RB1: variants seen among roughly 807,000 people sequenced by gnomAD.
The protein encoded by RB1 is RB transcriptional corepressor 1, also known as retinoblastoma-associated protein.
In RB1, 18 loss-of-function variants were observed where a neutral mutation model predicts 135.4. That is an observed-to-expected ratio of 0.13 (90% CI 0.09 to 0.20). RB1 has a LOEUF of 0.20. Ranked by LOEUF, RB1 falls within the 10% of genes least tolerant of loss-of-function variation. The pLI, the probability that RB1 is intolerant of heterozygous loss-of-function variation, is 1.00. For synonymous variants in RB1, 365 were observed against 373.2 expected (o/e 0.98, Z 0.25); for missense variants, 868 against 1,110.0 (o/e 0.78, Z 3.10).
At chr13:48,322,808 G>GAAA (rs1293467141) in intron 2 of RB1, among the ~76,000 whole-genome samples, 2 of 152,134 alleles carry the variant, frequency 1.3e-5, no homozygotes, top group African/African-American at 4.8e-5. Flanking sequence ...TTGAAATGGT[G>GAAA]TAGTATATTA....
chr13:48,412,217 A>C (rs1421416663), intron 17 of RB1: 1 of 1,614,022 alleles, frequency 6.2e-7, no homozygotes. Flanking sequence ...TGAAGGGTAA[A>C]GTAAAAACAA....
rs1706474256 is a variant in RB1, at chr13:48,380,157, TC to T, written c.1422-6del. On this transcript the variant is annotated splice_region_variant and splice_polypyrimidine_tract_variant and intron_variant, in intron 15 of 26. Transcript: ENST00000267163. ...AAGTATTTTATAATCTTTTTTTTTTTCCTTTAGCAAACTTCTGAATGACAAC... is the reference window on the plus strand; with the variant it reads ...AAGTATTTTATAATCTTTTTTTTTTTCTTTAGCAAACTTCTGAATGACAAC... 3.2e-6 allele frequency: 5 copies of T among 1,557,380 alleles called. No homozygotes were observed. Among genetic ancestry groups the T allele is most frequent in the Admixed American group, 1.9e-5 (1 of 53,714 alleles).
intron 2 of RB1, among the ~76,000 whole-genome samples, chr13:48,324,011 A>G (rs80153393): frequency 5.8e-4 from 89 of 152,172 alleles, no homozygotes; most frequent in Non-Finnish European, 1.2e-3. Flanking sequence ...TTATAGTAAT[A>G]AAGAGCGGAT....
intron 17 of RB1, among the ~76,000 whole-genome samples, chr13:48,415,382 C>T (rs1191941613): frequency 1.3e-5 from 2 of 151,714 alleles, no homozygotes; most frequent in East Asian, 1.9e-4. Flanking sequence ...CAGGTTCCAG[C>T]AATTTTCCCA....
At chr13:48,384,294 T>G (rs1948557417) in intron 17 of RB1, among the ~76,000 whole-genome samples, 1 of 152,158 alleles carries the variant, frequency 6.6e-6, no homozygotes, top group Non-Finnish European at 1.5e-5. Flanking sequence ...TTATATTACA[T>G]TTTTAATCAT....
intron 17 of RB1, chr13:48,417,080 G>A (rs1389299741): frequency 6.6e-6 from 1 of 152,402 alleles, no homozygotes; most frequent in Non-Finnish European, 1.5e-5. Context: ...CTCTGCTAAG[G>A]GACAGACTGC....
At chr13:48,344,038 C>G (rs4151450) in intron 3 of RB1, among the ~76,000 whole-genome samples, 84,579 of 151,996 alleles carry the variant, frequency 0.56, 28,288 homozygotes, top group Non-Finnish European at 0.72. Context: ...AGGTGACTAT[C>G]TTTTGTTTCA....
chr13:48,402,639 A>G (rs143724492), intron 17 of RB1, among the ~76,000 whole-genome samples: 78 of 152,142 alleles, frequency 5.1e-4, no homozygotes, highest in African/African-American at 1.9e-3. Flanking sequence ...GGCTTCCCAA[A>G]GTGCTGGGAT....
At chr13:48,449,791 G>C (rs987817644) in intron 17 of RB1, among the ~76,000 whole-genome samples, 1 of 152,174 alleles carries the variant, frequency 6.6e-6, no homozygotes, top group Non-Finnish European at 1.5e-5. Flanking sequence ...TGCCGTTTTA[G>C]TGGGGTTTTA....
At chr13:48,342,547 C>G in intron 2 of RB1, 52 bp from the exon 3 acceptor site, 1 of 1,066,018 alleles carries the variant, frequency 9.4e-7, no homozygotes. Context: ...AACATAGTAT[C>G]CAGTGTGTGA....
intron 2 of RB1, chr13:48,327,943 G>T (rs556513275): frequency 1.8e-5 from 9 of 492,942 alleles, no homozygotes; most frequent in Non-Finnish European, 2.9e-5. Context: ...TCATTTATTG[G>T]TGTACCACTC....
chr13:48,319,418 G>C lies in RB1; in HGVS notation c.264+12012G>C, dbSNP rs1385927493. On this transcript the variant is annotated intron_variant, in intron 2 of 26. Coordinates refer to ENST00000267163, the MANE Select transcript of RB1 (RefSeq NM_000321.3). This position sits in a 1 kb window ranked among gnomAD's most constrained non-coding sequence, Gnocchi z 5.0. ...CGTTGCTGCTGGAGTCTGACGCCTCGGGCGCCTGCGCCGCACTTGTGACTT... is the reference window on the plus strand; with the variant it reads ...CGTTGCTGCTGGAGTCTGACGCCTCCGGCGCCTGCGCCGCACTTGTGACTT... The C allele has an allele frequency of 5.3e-6, 2 of 379,062 alleles. No individual in the cohort carries two copies. The highest frequency in any genetic ancestry group is 9.9e-6 in the Non-Finnish European group (2 of 202,118). 23.5% of individuals were successfully genotyped at this position (379,062 alleles called of 1,614,324 possible).
chr13:48,459,263 A>G (rs972780012), intron 19 of RB1, among the ~76,000 whole-genome samples: 6 of 152,170 alleles, frequency 3.9e-5, no homozygotes, highest in Non-Finnish European at 7.4e-5. Flanking sequence ...AAACATCACC[A>G]CTAAAGAACT....
At chr13:48,331,679 G>A (rs1952337964) in intron 2 of RB1, among the ~76,000 whole-genome samples, 1 of 152,194 alleles carries the variant, frequency 6.6e-6, no homozygotes, top group East Asian at 1.9e-4. Context: ...ATGGAAAACA[G>A]TATGGAAGCT....
At chr13:48,459,907 T>TTCTA in intron 20 of RB1, 74 bp downstream of exon 20, 1 of 464,060 alleles carries the variant, frequency 2.2e-6, no homozygotes, top group Non-Finnish European at 3.6e-6. Context: ...CTTTCTTTCT[T>TTCTA]TCTTTCTTTC....
chr13:48,399,681 A>G (rs1337978490), intron 17 of RB1, among the ~76,000 whole-genome samples: 1 of 152,064 alleles, frequency 6.6e-6, no homozygotes, highest in Non-Finnish European at 1.5e-5. Flanking sequence ...TTATAAATCA[A>G]TGCAGGTATT....
At chr13:48,453,773 T>C (rs949701213) in intron 18 of RB1, among the ~76,000 whole-genome samples, 1 of 152,150 alleles carries the variant, frequency 6.6e-6, no homozygotes, top group Non-Finnish European at 1.5e-5. Flanking sequence ...AATCCACATG[T>C]TGCAAGAGAA....
chr13:48,306,757 T>A (rs555803210), intron 1 of RB1, among the ~76,000 whole-genome samples: 1 of 152,308 alleles, frequency 6.6e-6, no homozygotes, highest in Non-Finnish European at 1.5e-5. Flanking sequence ...TGAATGAAAA[T>A]GAATTAGCCA....
At chr13:48,351,904 C>T (rs1424017683) in intron 6 of RB1, among the ~76,000 whole-genome samples, 1 of 152,088 alleles carries the variant, frequency 6.6e-6, no homozygotes, top group Non-Finnish European at 1.5e-5. Context: ...GAACTCCCTA[C>T]CTCAGGTGAT....
Sources: allele counts gnomAD v4.1 joint callset (sites outside exome capture counted in the v4.1 genomes callset), GRCh38; gene constraint gnomAD v4.1.1; non-coding constraint Gnocchi (gnomAD v3.1); transcripts MANE v1.5; gene names NCBI Gene and HGNC (gene_info 2026-07-23, HGNC 2026-07-21).